Variants in TMEM74 observed in about 807,000 individuals in gnomAD.
The protein encoded by TMEM74 is transmembrane protein 74.
A neutral mutation model predicts 18.1 loss-of-function variants in TMEM74; 13 were observed. The observed-to-expected ratio is 0.72, with a 90% CI of 0.47 to 1.14. The LOEUF (loss-of-function observed/expected upper bound fraction) is 1.14, where lower values mean the gene tolerates loss of function less well. TMEM74 is among the 50% of genes most tolerant of loss of function. The pLI is 0.00. For synonymous variants in TMEM74, 159 were observed against 146.6 expected, an observed-to-expected ratio of 1.08 and a Z score of -0.61; for missense variants, 372 against 375.9, an observed-to-expected ratio of 0.99 and a Z score of 0.09.
chr8:108,670,226 T>G (rs1300017113), intron 1 of TMEM74, among the ~76,000 whole-genome samples: 2 of 152,174 alleles, frequency 1.3e-5, no homozygotes. Context: ...AAAGTGTACA[T>G]GATTTATTCC....
chr8:108,705,929 C>T (rs1369211003), intron 1 of TMEM74, among the ~76,000 whole-genome samples: 1 of 152,174 alleles, frequency 6.6e-6, no homozygotes, highest in Non-Finnish European at 1.5e-5. Context: ...CTGTGGAGTA[C>T]AGCAACTCTG....
intron 1 of TMEM74, among the ~76,000 whole-genome samples, chr8:108,720,246 T>C (rs1400818184): frequency 6.6e-6 from 1 of 152,222 alleles, no homozygotes; most frequent in Non-Finnish European, 1.5e-5. Context: ...AATCACATTC[T>C]GTATCAATTT....
At chr8:108,666,461 AG>A (rs1396532689) in intron 1 of TMEM74, among the ~76,000 whole-genome samples, 1 of 152,178 alleles carries the variant, frequency 6.6e-6, no homozygotes, top group Non-Finnish European at 1.5e-5. Context: ...GTTCCCCACC[AG>A]GGGGCTTCCT....
At chr8:108,656,100 C>G (rs150145380) in intron 1 of TMEM74, among the ~76,000 whole-genome samples, 1 of 152,124 alleles carries the variant, frequency 6.6e-6, no homozygotes, top group Non-Finnish European at 1.5e-5. Context: ...CCCCTCTCAG[C>G]GGTTTACTTT....
chr8:108,668,918 C>G (rs1812975795), intron 1 of TMEM74, among the ~76,000 whole-genome samples: 1 of 151,976 alleles, frequency 6.6e-6, no homozygotes. Flanking sequence ...GATAATCGGT[C>G]AGTAGTCTGC....
At chr8:108,771,004 C>G (rs567363568) in intron 1 of TMEM74, among the ~76,000 whole-genome samples, 6 of 152,270 alleles carry the variant, frequency 3.9e-5, no homozygotes, top group East Asian at 3.9e-4. Flanking sequence ...GTGTAACAAT[C>G]CTGACATCAG....
intron 2 of TMEM74, among the ~76,000 whole-genome samples, chr8:108,612,283 G>T (rs945114504): frequency 7.2e-5 from 11 of 152,102 alleles, no homozygotes; most frequent in Middle Eastern, 3.4e-3. Flanking sequence ...ATTCCTTGAT[G>T]TTAAAGATAT....
At chr8:108,746,239 G>C (rs1462278062) in intron 1 of TMEM74, among the ~76,000 whole-genome samples, 1 of 152,120 alleles carries the variant, frequency 6.6e-6, no homozygotes. Context: ...AAGAGTTCCA[G>C]TTGCATTTCC....
intron 1 of TMEM74, among the ~76,000 whole-genome samples, chr8:108,740,959 T>C (rs1340575587): frequency 6.6e-6 from 1 of 152,176 alleles, no homozygotes; most frequent in African/African-American, 2.4e-5. Context: ...GAAGAATGAA[T>C]ACATAAATTC....
At chr8:108,713,620 G>A (rs1304167022) in intron 1 of TMEM74, among the ~76,000 whole-genome samples, 2 of 152,172 alleles carry the variant, frequency 1.3e-5, no homozygotes, top group African/African-American at 4.8e-5. Context: ...CAGCTATGGG[G>A]AAAATCTATG....
intron 1 of TMEM74, among the ~76,000 whole-genome samples, chr8:108,658,874 G>T (rs1458367026): frequency 5.9e-5 from 9 of 152,124 alleles, no homozygotes; most frequent in Admixed American, 4.6e-4. Context: ...GGATTGAATG[G>T]AGAGGAAATA....
At chr8:108,733,107 A>T (rs1442590891) in intron 1 of TMEM74, among the ~76,000 whole-genome samples, 2 of 152,154 alleles carry the variant, frequency 1.3e-5, no homozygotes, top group African/African-American at 2.4e-5. Context: ...TTTCCTAAAA[A>T]GTTAAATATG....
intron 2 of TMEM74, among the ~76,000 whole-genome samples, chr8:108,621,158 T>C (rs892725909): frequency 6.6e-5 from 10 of 152,120 alleles, no homozygotes; most frequent in Admixed American, 5.2e-4. Flanking sequence ...TAAGAGGTGA[T>C]CACAGAAAAC....
At chr8:108,717,610 T>C (rs1254462755) in intron 1 of TMEM74, among the ~76,000 whole-genome samples, 2 of 150,942 alleles carry the variant, frequency 1.3e-5, no homozygotes, top group Non-Finnish European at 3.0e-5. Context: ...GATGGGAGAG[T>C]GAGTTGCAAT....
intron 1 of TMEM74, among the ~76,000 whole-genome samples, chr8:108,755,787 C>T (rs1342852122): frequency 1.3e-5 from 2 of 151,884 alleles, no homozygotes; most frequent in Non-Finnish European, 2.9e-5. Context: ...CAGAGTAGAA[C>T]AAAGTTCAGA....
At chr8:108,610,354 T>C (rs2130532639) in intron 2 of TMEM74, among the ~76,000 whole-genome samples, 1 of 152,310 alleles carries the variant, frequency 6.6e-6, no homozygotes, top group South Asian at 2.1e-4. Flanking sequence ...AATGCATCTG[T>C]TCATTCAATA....
chr8:108,635,712 C>A (rs951346621), intron 2 of TMEM74, among the ~76,000 whole-genome samples: 13 of 152,144 alleles, frequency 8.5e-5, no homozygotes, highest in Middle Eastern at 3.4e-3. Flanking sequence ...CGTCCCTTTT[C>A]ATGAAGATTT....
chr8:108,706,878 T>C (rs1391709399), intron 1 of TMEM74, among the ~76,000 whole-genome samples: 1 of 150,484 alleles, frequency 6.6e-6, no homozygotes, highest in Admixed American at 6.6e-5. Context: ...AAGATAAAAG[T>C]ACAAAATAAA....
chr8:108,635,658 T>G (rs1812599896), intron 2 of TMEM74, among the ~76,000 whole-genome samples: 1 of 152,130 alleles, frequency 6.6e-6, no homozygotes, highest in Admixed American at 6.6e-5. Context: ...ATAGACTTTC[T>G]GTTTAGCTGA....
Sources: gnomAD v4.1 joint callset for allele counts (sites outside exome capture counted in the v4.1 genomes callset) on GRCh38, gnomAD v4.1.1 for gene constraint, MANE v1.5 for transcripts, NCBI Gene and HGNC (gene_info 2026-07-23, HGNC 2026-07-21) for gene names.